Variants in TMIGD3 observed in about 807,000 individuals in gnomAD.
TMIGD3 encodes the protein transmembrane and immunoglobulin domain containing 3.
TMIGD3 carries 21 observed loss-of-function variants against 28.1 expected under a neutral mutation model. That is an observed-to-expected ratio of 0.75 (90% CI 0.53 to 1.08). The LOEUF (loss-of-function observed/expected upper bound fraction) is 1.08, where lower values mean the gene tolerates loss of function less well. TMIGD3 is among the 50% of genes least tolerant of loss of function. TMIGD3 has a pLI of 0.00. For missense variants in TMIGD3, 416 were observed against 435.6 expected (o/e 0.96, Z 0.40); for synonymous variants, 151 against 162.1 (o/e 0.93, Z 0.52).
intron 1 of TMIGD3, among the ~76,000 whole-genome samples, chr1:111,525,771 G>A (rs1210544748): frequency 6.6e-6 from 1 of 152,182 alleles, no homozygotes. Flanking sequence ...GGCAGAGTCA[G>A]GAGAATCACT....
At chr1:111,485,380 C>T (rs1406398866) in intron 5 of TMIGD3, 1 of 206,846 alleles carries the variant, frequency 4.8e-6, no homozygotes. Context: ...GGAGACTCTT[C>T]TATACCTGCT....
At position 111,526,754 on chromosome 1, in the gene TMIGD3, G is replaced by A. The variant is rs75900045; in HGVS notation, c.108-35992C>T. ...TCATTCATTGGGTTTTGACAAATGC[G>A]TAGTACATGTAACTACCGTTATAGA... is the stretch of plus-strand genomic sequence containing the variant. On this transcript the variant is annotated intron_variant, in intron 1 of 5. Transcript: ENST00000369717. Among the ~76,000 whole-genome samples, 1,282 of 152,202 alleles carry A rather than the reference G, an allele frequency of 8.4e-3. 14 individuals carry two copies. The highest frequency in any genetic ancestry group is 0.053 in the South Asian group (253 of 4,816).
At chr1:111,556,922 T>C (rs1167553183) in intron 1 of TMIGD3, among the ~76,000 whole-genome samples, 1 of 152,062 alleles carries the variant, frequency 6.6e-6, no homozygotes, top group Non-Finnish European at 1.5e-5. Context: ...TATGTACATA[T>C]ATATTACCAA....
At chr1:111,489,929 A>G (rs1197238229) in intron 2 of TMIGD3, among the ~76,000 whole-genome samples, 1 of 152,146 alleles carries the variant, frequency 6.6e-6, no homozygotes, top group Non-Finnish European at 1.5e-5. Context: ...AGAAGAGGAG[A>G]TGAGACAGCA....
intron 1 of TMIGD3, among the ~76,000 whole-genome samples, chr1:111,528,171 T>A (rs190974124): frequency 1.4e-3 from 210 of 152,330 alleles, no homozygotes; most frequent in African/African-American, 4.9e-3. Flanking sequence ...TTTGAGTTAA[T>A]TTTTGTGAGA....
At chr1:111,488,542 G>A (rs1654495527) in intron 3 of TMIGD3, 135 bp downstream of exon 3, 2 of 733,294 alleles carry the variant, frequency 2.7e-6, no homozygotes, top group African/African-American at 3.5e-5. Flanking sequence ...GCCGGAGGAA[G>A]AGAGAGGCCA....
At position 111,500,397 on chromosome 1, in the gene TMIGD3, G is replaced by A. The variant is rs373163241; in HGVS notation, c.350+2608C>T. 79 of 1,614,074 alleles carry A rather than the reference G, an allele frequency of 4.9e-5. No individual in the cohort carries two copies. The East Asian group carries it at 6.0e-4, about 12-fold the overall frequency. On this transcript the variant is annotated intron_variant, in intron 1 of 5. Coordinates refer to ENST00000369716, the MANE Select transcript of TMIGD3 (RefSeq NM_020683.7). ...ATACCATGTAGTCCATTCTCATGAC[G>A]GAAACAAATTGGCATGAAAGGAAGG...
chr1:111,553,829 C>T (rs748712934), intron 1 of TMIGD3, among the ~76,000 whole-genome samples: 3 of 152,194 alleles, frequency 2.0e-5, no homozygotes, highest in Non-Finnish European at 4.4e-5. Context: ...ACACCTGTAT[C>T]AAGTCCAAAA....
chr1:111,491,907 G>A (rs1190009871), intron 1 of TMIGD3, among the ~76,000 whole-genome samples: 3 of 152,094 alleles, frequency 2.0e-5, no homozygotes, highest in East Asian at 1.9e-4. Flanking sequence ...CAACCTTCAC[G>A]ATGGCTCCTG....
intron 1 of TMIGD3, among the ~76,000 whole-genome samples, chr1:111,547,500 A>G (rs1657078035): frequency 6.6e-6 from 1 of 152,216 alleles, no homozygotes; most frequent in Non-Finnish European, 1.5e-5. Context: ...TATAAAATAT[A>G]AACTAATTTC....
chr1:111,484,976 C>G (rs886779986), intron 5 of TMIGD3, among the ~76,000 whole-genome samples: 1 of 152,218 alleles, frequency 6.6e-6, no homozygotes, highest in African/African-American at 2.4e-5. Flanking sequence ...ATTCTCTGAA[C>G]AGTAAGACCA....
chr1:111,553,174 A>G (rs1539583), intron 1 of TMIGD3, among the ~76,000 whole-genome samples: 148,431 of 152,336 alleles, frequency 0.97, 72,386 homozygotes, highest in Non-Finnish European at 1. Context: ...GTCTTCCTCT[A>G]GAGCAGAGAA....
intron 1 of TMIGD3, among the ~76,000 whole-genome samples, chr1:111,547,505 A>AT (rs1657078839): frequency 6.6e-6 from 1 of 152,198 alleles, no homozygotes; most frequent in Non-Finnish European, 1.5e-5. Flanking sequence ...AATATAAACT[A>AT]ATTTCTCAAC....
At chr1:111,552,489 G>A (rs1657307760) in intron 1 of TMIGD3, among the ~76,000 whole-genome samples, 1 of 152,128 alleles carries the variant, frequency 6.6e-6, no homozygotes, top group Non-Finnish European at 1.5e-5. Context: ...ATTTGTAGTT[G>A]CTTTTATGTT....
intron 1 of TMIGD3, among the ~76,000 whole-genome samples, chr1:111,545,480 T>C (rs1657002531): frequency 1.3e-5 from 2 of 152,152 alleles, no homozygotes; most frequent in Non-Finnish European, 2.9e-5. Context: ...ATTTGTCCTT[T>C]TATTGTTGAA....
At chr1:111,515,480 A>G (rs1571428418) in intron 1 of TMIGD3, among the ~76,000 whole-genome samples, 1 of 152,052 alleles carries the variant, frequency 6.6e-6, no homozygotes, top group Non-Finnish European at 1.5e-5. Context: ...CCCCGATGGG[A>G]GTTGGGGACG....
intron 1 of TMIGD3, among the ~76,000 whole-genome samples, chr1:111,563,242 C>CTA (rs1447967339): frequency 6.6e-6 from 1 of 152,018 alleles, no homozygotes; most frequent in Admixed American, 6.6e-5. Flanking sequence ...CACCACTGTA[C>CTA]TACAGCCAGG....
chr1:111,488,742 TC>T lies in TMIGD3; in HGVS notation c.739del (p.Asp247IlefsTer5). ...GTCAGTTACAATCAGCTCTGTAAAA[TC>T]CATGTCATCCCTGGCAAAGTCCCGC... ...IQRDFARDDM[D>X]FTELIVTDDK... is the part of the protein sequence containing the mutation. On this transcript the variant is annotated frameshift_variant, in exon 3 of 6. Coordinates refer to ENST00000369716, the MANE Select transcript of TMIGD3 (RefSeq NM_020683.7). LOFTEE classifies it high-confidence loss of function. 1 of 1,614,166 alleles carries T rather than the reference TC, an allele frequency of 6.2e-7. No individual in the cohort carries two copies. Among genetic ancestry groups the T allele is most frequent in the Non-Finnish European group, 8.5e-7 (1 of 1,180,044 alleles).
chr1:111,488,227 CTT>C (rs200086679), intron 3 of TMIGD3, among the ~76,000 whole-genome samples: 2 of 144,074 alleles, frequency 1.4e-5, no homozygotes, highest in Non-Finnish European at 3.1e-5. Flanking sequence ...GGCACACAGA[CTT>C]TTTTTTTTTT....
Sources: allele counts gnomAD v4.1 joint callset (sites outside exome capture counted in the v4.1 genomes callset), GRCh38; gene constraint gnomAD v4.1.1; transcripts MANE v1.5; gene names NCBI Gene and HGNC (gene_info 2026-07-23, HGNC 2026-07-21).